Variants in PRKG1 observed in about 807,000 individuals in gnomAD.
PRKG1 encodes cGMP-dependent protein kinase 1.
Under a neutral mutation model 88.1 loss-of-function variants are expected in PRKG1, and 35 were observed. The ratio of observed to expected loss-of-function variants is 0.40; its 90% CI spans 0.30 to 0.53. PRKG1 has a LOEUF of 0.53. PRKG1 is among the 20% of genes least tolerant of loss of function. PRKG1 has a pLI of 0.59. For synonymous variants in PRKG1, 303 were observed against 292.5 expected (o/e 1.04, Z -0.37); for missense variants, 540 against 839.8 (o/e 0.64, Z 4.41).
At chr10:51,427,540 A>G (rs922417576) in intron 2 of PRKG1, among the ~76,000 whole-genome samples, 1 of 152,208 alleles carries the variant, frequency 6.6e-6, no homozygotes, top group Non-Finnish European at 1.5e-5. Context: ...GCTTTGTACC[A>G]TATAACCCTG....
chr10:52,173,514 T>A (rs1838769143), intron 9 of PRKG1, among the ~76,000 whole-genome samples: 1 of 152,204 alleles, frequency 6.6e-6, no homozygotes, highest in Non-Finnish European at 1.5e-5. Flanking sequence ...ATTGTTTTGA[T>A]ACAATGAACA....
At chr10:51,594,750 T>C (rs1838399786) in intron 3 of PRKG1, among the ~76,000 whole-genome samples, 1 of 152,194 alleles carries the variant, frequency 6.6e-6, no homozygotes, top group African/African-American at 2.4e-5. Context: ...TGTGGTGTGC[T>C]GTGCTACTGG....
chr10:51,757,837 A>T (rs1433911505), intron 3 of PRKG1, among the ~76,000 whole-genome samples: 1 of 152,234 alleles, frequency 6.6e-6, no homozygotes, highest in African/African-American at 2.4e-5. Flanking sequence ...AGAAAAGATA[A>T]AATTAAACCT....
At chr10:51,489,140 C>T (rs533280821) in intron 3 of PRKG1, among the ~76,000 whole-genome samples, 1 of 152,162 alleles carries the variant, frequency 6.6e-6, no homozygotes, top group East Asian at 1.9e-4. Context: ...TAAGAAACAG[C>T]TAGCCTTCAA....
intron 1 of PRKG1, among the ~76,000 whole-genome samples, chr10:51,111,739 T>C (rs1354366864): frequency 1.3e-5 from 2 of 152,188 alleles, no homozygotes; most frequent in East Asian, 3.8e-4. Context: ...CATTCACATA[T>C]TTTAAAAGAG....
Position 51,632,092 on chromosome 10 carries a change from G to GAT in PRKG1, c.592+164257_592+164258dup, listed in dbSNP as rs537577129. Among the ~76,000 whole-genome samples, 86 of 41,232 alleles carry GAT rather than the reference G, an allele frequency of 2.1e-3. No homozygotes were observed. In the Middle Eastern group the frequency reaches 0.056, roughly 27 times the overall value. The allele number at this position is 41,232 out of a possible 152,430, so 27.0% of individuals were successfully genotyped here. On this transcript the variant is annotated intron_variant, in intron 3 of 17. Transcript: ENST00000373980. Reference sequence around the variant, plus strand: ...TGTAAACTTTCTTGAAACATTATGAGATTTTTTTTTTTGCAATTTTTCTTT... The same window carrying GAT: ...TGTAAACTTTCTTGAAACATTATGAGATATTTTTTTTTTTGCAATTTTTCTTT...
intron 7 of PRKG1, among the ~76,000 whole-genome samples, chr10:52,092,522 A>G (rs959530953): frequency 1.2e-4 from 19 of 152,232 alleles, no homozygotes; most frequent in African/African-American, 4.6e-4. Flanking sequence ...GTCTGATTAC[A>G]TTTCTGAGTT....
chr10:52,200,666 T>G (rs1421570648), intron 9 of PRKG1, among the ~76,000 whole-genome samples: 1 of 152,200 alleles, frequency 6.6e-6, no homozygotes, highest in African/African-American at 2.4e-5. Context: ...CTAATTAACA[T>G]TCCCACTAGC....
intron 3 of PRKG1, among the ~76,000 whole-genome samples, chr10:51,562,873 A>C (rs1350498390): frequency 6.6e-6 from 1 of 152,100 alleles, no homozygotes; most frequent in Non-Finnish European, 1.5e-5. Context: ...GGGTCCAGTG[A>C]TCCTTTCACC....
intron 3 of PRKG1, among the ~76,000 whole-genome samples, chr10:51,547,450 A>C (rs990105309): frequency 2.0e-5 from 3 of 152,070 alleles, no homozygotes; most frequent in Admixed American, 2.0e-4. Context: ...TATTTGCCAA[A>C]ATTTTTGGAT....
At chr10:51,462,028 C>A (rs1331054496) in intron 2 of PRKG1, among the ~76,000 whole-genome samples, 1 of 152,196 alleles carries the variant, frequency 6.6e-6, no homozygotes, top group Non-Finnish European at 1.5e-5. Context: ...GACAGCACAG[C>A]TCCACTACCA....
intron 5 of PRKG1, among the ~76,000 whole-genome samples, chr10:52,040,100 A>G (rs997932761): frequency 1.3e-5 from 2 of 152,176 alleles, no homozygotes; most frequent in Non-Finnish European, 2.9e-5. Flanking sequence ...ATGCCCTTTA[A>G]ACTCAATAGT....
At chr10:51,715,601 T>C (rs867495241) in intron 3 of PRKG1, among the ~76,000 whole-genome samples, 1 of 152,206 alleles carries the variant, frequency 6.6e-6, no homozygotes, top group Non-Finnish European at 1.5e-5. Context: ...GCAATAAACA[T>C]CTGTTAAAAA....
At chr10:51,891,841 G>A (rs1389219771) in intron 4 of PRKG1, among the ~76,000 whole-genome samples, 1 of 152,144 alleles carries the variant, frequency 6.6e-6, no homozygotes, top group African/African-American at 2.4e-5. Flanking sequence ...ACCATAGTTT[G>A]GTGATCTAGG....
intron 5 of PRKG1, among the ~76,000 whole-genome samples, chr10:52,016,917 T>TC (rs1845055223): frequency 6.6e-6 from 1 of 152,128 alleles, no homozygotes; most frequent in Non-Finnish European, 1.5e-5. Flanking sequence ...GGTCAGTCCT[T>TC]CCTAAAGGGT....
chr10:51,806,317 T>A (rs1318065992), intron 4 of PRKG1, among the ~76,000 whole-genome samples: 1 of 152,192 alleles, frequency 6.6e-6, no homozygotes, highest in Non-Finnish European at 1.5e-5. Context: ...CAATGCTATC[T>A]CAAATGACTC....
intron 3 of PRKG1, among the ~76,000 whole-genome samples, chr10:51,647,859 T>C (rs1460349200): frequency 6.6e-6 from 1 of 152,174 alleles, no homozygotes; most frequent in East Asian, 1.9e-4. Flanking sequence ...AATTTATAAT[T>C]ATTTGCCATA....
chr10:51,155,608 T>C (rs1242558335), intron 2 of PRKG1, among the ~76,000 whole-genome samples: 1 of 151,900 alleles, frequency 6.6e-6, no homozygotes, highest in Non-Finnish European at 1.5e-5. Context: ...GCAGGACAAA[T>C]AGGATGTGTG....
chr10:51,333,673 T>C (rs1234155083), intron 2 of PRKG1, among the ~76,000 whole-genome samples: 1 of 152,224 alleles, frequency 6.6e-6, no homozygotes, highest in African/African-American at 2.4e-5. Context: ...CTAAAGGTAA[T>C]AGTACTGAAG....
Sources: allele counts gnomAD v4.1 joint callset (sites outside exome capture counted in the v4.1 genomes callset), GRCh38; gene constraint gnomAD v4.1.1; transcripts MANE v1.5; gene names NCBI Gene and HGNC (gene_info 2026-07-23, HGNC 2026-07-21).